ATP6V1H: variants seen among roughly 807,000 people sequenced by gnomAD.
ATP6V1H encodes ATPase H+ transporting V1 subunit H, also known as V-type proton ATPase subunit H.
Under a neutral mutation model 71.7 loss-of-function variants are expected in ATP6V1H, and 39 were observed. That is an observed-to-expected ratio of 0.54 (90% CI 0.42 to 0.71). The LOEUF is 0.71. Among genes scored for constraint, ATP6V1H ranks in the 30% least tolerant of loss-of-function variants. ATP6V1H has a pLI of 0.00. For synonymous variants in ATP6V1H, 192 were observed against 199.3 expected, an observed-to-expected ratio of 0.96 and a Z score of 0.31; for missense variants, 509 against 594.9, an observed-to-expected ratio of 0.86 and a Z score of 1.50.
At chr8:53,743,426 G>T in intron 13 of ATP6V1H, 151 bp downstream of exon 13, 16 of 469,272 alleles carry the variant, frequency 3.4e-5, no homozygotes, top group East Asian at 1.7e-4. Flanking sequence ...ATGTGTCATT[G>T]CTCTGAATTA....
chr8:53,765,752 G>T (rs912396560), intron 11 of ATP6V1H, among the ~76,000 whole-genome samples: 8 of 152,114 alleles, frequency 5.3e-5, no homozygotes, highest in African/African-American at 1.9e-4. Context: ...ATCCTGGCAA[G>T]TTATTTTGTA....
chr8:53,757,655 C>A (rs916361113), intron 11 of ATP6V1H, among the ~76,000 whole-genome samples: 1 of 152,132 alleles, frequency 6.6e-6, no homozygotes, highest in Non-Finnish European at 1.5e-5. Flanking sequence ...GAAATAGATA[C>A]ACACAAACTT....
At chr8:53,726,106 G>C (rs1806802237) in intron 13 of ATP6V1H, among the ~76,000 whole-genome samples, 1 of 152,040 alleles carries the variant, frequency 6.6e-6, no homozygotes. Context: ...CCTATTCTTT[G>C]AAAAAGTTGT....
chr8:53,789,041 A>G (rs1009569585), intron 9 of ATP6V1H, among the ~76,000 whole-genome samples: 1 of 152,214 alleles, frequency 6.6e-6, no homozygotes, highest in Non-Finnish European at 1.5e-5. Context: ...GTAACCAACA[A>G]ATTGCCTTAC....
Position 53,807,362 on chromosome 8 carries a change from G to A in ATP6V1H, c.579+3802C>T, listed in dbSNP as rs957326180. Among the ~76,000 whole-genome samples the A allele has an allele frequency of 4.6e-5, 7 of 152,118 alleles. No individual in the cohort carries two copies. In the South Asian group the frequency reaches 1.2e-3, roughly 27 times the overall value. ...CGTCTGTAATCCCAGCACTTTGGGA[G>A]GCCGAGGTGGGCAGATTACCTGAGG... On this transcript the variant is annotated intron_variant, in intron 7 of 13. Coordinates refer to ENST00000359530, the MANE Select transcript of ATP6V1H (RefSeq NM_015941.4).
Position 53,718,018 on chromosome 8 carries a change from T to C in ATP6V1H, c.1392-1994A>G, listed in dbSNP as rs1482905226. On this transcript the variant is annotated intron_variant, in intron 13 of 13. Transcript: ENST00000359530. Reference sequence around the variant, plus strand: ...AGTTTCCAAAAATGACTAATAAGAATGTATGGGAAAGCCTCCAGGAGCTCA... The same window carrying C: ...AGTTTCCAAAAATGACTAATAAGAACGTATGGGAAAGCCTCCAGGAGCTCA... 2.0e-5 allele frequency among the ~76,000 whole-genome samples: 3 copies of C among 152,140 alleles called. No homozygotes were observed. In the East Asian group the frequency reaches 5.8e-4, roughly 29 times the overall value.
intron 13 of ATP6V1H, among the ~76,000 whole-genome samples, chr8:53,736,865 TCAGA>T (rs1240611625): frequency 2.0e-5 from 3 of 152,184 alleles, no homozygotes; most frequent in African/African-American, 4.8e-5. Context: ...AAATCAATAG[TCAGA>T]CAGCCCAGCG....
At chr8:53,722,453 G>A (rs183339611) in intron 13 of ATP6V1H, among the ~76,000 whole-genome samples, 2 of 152,346 alleles carry the variant, frequency 1.3e-5, no homozygotes, top group East Asian at 3.9e-4. Flanking sequence ...AGAAATGCCT[G>A]TGCAGTTATG....
At chr8:53,799,816 A>G (rs1318080580) in intron 8 of ATP6V1H, among the ~76,000 whole-genome samples, 1 of 152,144 alleles carries the variant, frequency 6.6e-6, no homozygotes, top group African/African-American at 2.4e-5. Flanking sequence ...CCCCTCTGCC[A>G]TCTGAGTTTA....
intron 13 of ATP6V1H, among the ~76,000 whole-genome samples, chr8:53,728,188 C>A (rs1806885225): frequency 6.6e-6 from 1 of 152,170 alleles, no homozygotes; most frequent in African/African-American, 2.4e-5. Flanking sequence ...AATGTCCTCA[C>A]TCCTTAATGT....
intron 9 of ATP6V1H, among the ~76,000 whole-genome samples, chr8:53,782,901 C>A (rs1181770285): frequency 6.6e-6 from 1 of 152,166 alleles, no homozygotes; most frequent in Non-Finnish European, 1.5e-5. Context: ...CCCACTTGAT[C>A]ATGGTGGATA....
At chr8:53,771,681 T>G (rs1370247244) in intron 10 of ATP6V1H, among the ~76,000 whole-genome samples, 1 of 152,194 alleles carries the variant, frequency 6.6e-6, no homozygotes, top group Non-Finnish European at 1.5e-5. Flanking sequence ...AAACTACCTT[T>G]GTTGCTTAAA....
At chr8:53,720,180 C>CCT (rs1393265209) in intron 13 of ATP6V1H, among the ~76,000 whole-genome samples, 2 of 152,150 alleles carry the variant, frequency 1.3e-5, no homozygotes, top group Non-Finnish European at 2.9e-5. Context: ...GCTTCTGCCA[C>CCT]CTAAGATGCA....
At chr8:53,733,120 A>T (rs1807080809) in intron 13 of ATP6V1H, among the ~76,000 whole-genome samples, 1 of 152,206 alleles carries the variant, frequency 6.6e-6, no homozygotes, top group African/African-American at 2.4e-5. Flanking sequence ...CTCAAGCCTT[A>T]ATTAATTTGC....
At chr8:53,782,247 G>C (rs1809174302) in intron 9 of ATP6V1H, among the ~76,000 whole-genome samples, 1 of 151,914 alleles carries the variant, frequency 6.6e-6, no homozygotes, top group African/African-American at 2.4e-5. Context: ...TCCTTGAAGA[G>C]GTCCTTCACA....
chr8:53,796,745 A>C (rs749272537), intron 8 of ATP6V1H, among the ~76,000 whole-genome samples: 3 of 152,256 alleles, frequency 2.0e-5, no homozygotes, highest in Admixed American at 6.5e-5. Flanking sequence ...CAAGATGTTA[A>C]TGATAATGGA....
chr8:53,804,952 T>C (rs1810030513), intron 7 of ATP6V1H, among the ~76,000 whole-genome samples: 1 of 152,210 alleles, frequency 6.6e-6, no homozygotes, highest in Non-Finnish European at 1.5e-5. Context: ...TAATAGCAAC[T>C]ACAGTATTCA....
At chr8:53,818,350 T>C (rs1810522720) in intron 4 of ATP6V1H, among the ~76,000 whole-genome samples, 3 of 152,180 alleles carry the variant, frequency 2.0e-5, no homozygotes, top group Admixed American at 1.3e-4. Context: ...TTGTGGGTCA[T>C]AATACTTTTT....
intron 7 of ATP6V1H, among the ~76,000 whole-genome samples, chr8:53,802,535 C>T (rs978218892): frequency 2.6e-5 from 4 of 151,856 alleles, no homozygotes; most frequent in Admixed American, 2.6e-4. Flanking sequence ...CCCGGGCAAC[C>T]TGGTGAAACC....
Sources: allele counts gnomAD v4.1 joint callset (sites outside exome capture counted in the v4.1 genomes callset), GRCh38; gene constraint gnomAD v4.1.1; transcripts MANE v1.5; gene names NCBI Gene and HGNC (gene_info 2026-07-23, HGNC 2026-07-21).